EFHC2: variants seen among roughly 807,000 people sequenced by gnomAD.
The protein encoded by EFHC2 is EF-hand domain-containing family member C2.
EFHC2 carries 18 observed loss-of-function variants against 52.7 expected under a neutral mutation model. The observed-to-expected ratio is 0.34, with a 90% CI of 0.24 to 0.51. The LOEUF (loss-of-function observed/expected upper bound fraction) is 0.51. Ranked by LOEUF, EFHC2 falls within the 20% of genes least tolerant of loss-of-function variation. The probability of loss-of-function intolerance (pLI) is 0.97; values close to 1 mark genes in which losing one functional copy is unlikely to be tolerated. For missense variants in EFHC2, 513 were observed against 562.5 expected, an observed-to-expected ratio of 0.91 and a Z score of 0.89; for synonymous variants, 203 against 204.1, an observed-to-expected ratio of 0.99 and a Z score of 0.04.
intron 11 of EFHC2, among the ~76,000 whole-genome samples, chrX:44,217,420 T>C (rs966565754): frequency 8.9e-5 from 10 of 112,011 alleles, no homozygotes; most frequent in Non-Finnish European, 1.7e-4. Flanking sequence ...ATATCTGCAC[T>C]TTCATGTTTG....
At chrX:44,165,207 C>G (rs1016098785) in intron 13 of EFHC2, among the ~76,000 whole-genome samples, 2 of 111,580 alleles carry the variant, frequency 1.8e-5, no homozygotes, top group Non-Finnish European at 3.8e-5. Context: ...AAATTAATAG[C>G]TTATATTTAT....
At chrX:44,207,824 A>C (rs988575561) in intron 11 of EFHC2, among the ~76,000 whole-genome samples, 1 of 112,381 alleles carries the variant, frequency 8.9e-6, no homozygotes, top group African/African-American at 3.2e-5. Flanking sequence ...CAACATTCGA[A>C]AGTGGGCAAA....
chrX:44,211,866 CAAAAAAAAA>C (rs1164155147), intron 11 of EFHC2, among the ~76,000 whole-genome samples: 3 of 50,444 alleles, frequency 5.9e-5, no homozygotes, highest in African/African-American at 1.4e-4. Flanking sequence ...GACTCCCTCT[CAAAAAAAAA>C]AAAAAAAAAA....
chrX:44,313,920 A>T, intron 1 of EFHC2, among the ~76,000 whole-genome samples: 1 of 111,572 alleles, frequency 9.0e-6, no homozygotes, highest in Non-Finnish European at 1.9e-5. Context: ...ATGCCACTGC[A>T]CTCCAGCCTG....
intron 2 of EFHC2, among the ~76,000 whole-genome samples, chrX:44,302,622 T>C (rs1399804520): frequency 8.9e-6 from 1 of 112,466 alleles, no homozygotes; most frequent in East Asian, 2.8e-4. Flanking sequence ...GGGTATGACA[T>C]GGTTGATTTC....
intron 11 of EFHC2, among the ~76,000 whole-genome samples, chrX:44,211,443 A>C (rs2037094440): frequency 9.0e-6 from 1 of 111,487 alleles, no homozygotes; most frequent in Non-Finnish European, 1.9e-5. Context: ...CAGGAGAATC[A>C]CTTGAACCCA....
chrX:44,336,606 C>T (rs1208040593), intron 1 of EFHC2, among the ~76,000 whole-genome samples: 4 of 111,523 alleles, frequency 3.6e-5, no homozygotes, highest in Non-Finnish European at 5.7e-5. Context: ...AAGCATCCTG[C>T]CATTCATAGG....
intron 11 of EFHC2, among the ~76,000 whole-genome samples, chrX:44,189,645 T>C (rs1286487114): frequency 9.0e-6 from 1 of 111,139 alleles, no homozygotes; most frequent in Non-Finnish European, 1.9e-5. Context: ...GGAGTGCATC[T>C]GAGATGAAGA....
chrX:44,240,611 C>T (rs1318696240), intron 8 of EFHC2, among the ~76,000 whole-genome samples: 1 of 112,032 alleles, frequency 8.9e-6, no homozygotes, highest in African/African-American at 3.2e-5. Flanking sequence ...AAGTCCTACC[C>T]TGGAACCTCA....
intron 5 of EFHC2, among the ~76,000 whole-genome samples, chrX:44,249,224 T>C (rs1295804643): frequency 9.0e-6 from 1 of 111,456 alleles, no homozygotes; most frequent in Admixed American, 9.5e-5. Context: ...CAGTAGGGCT[T>C]CCAGCAGTGG....
At chrX:44,166,807 A>G (rs1416777201) in intron 13 of EFHC2, among the ~76,000 whole-genome samples, 1 of 111,530 alleles carries the variant, frequency 9.0e-6, no homozygotes. Flanking sequence ...TCCACTAAGC[A>G]GTCCTGTGGG....
intron 2 of EFHC2, chrX:44,310,194 T>C (rs1344311225): frequency 1.4e-6 from 1 of 729,325 alleles, no homozygotes; most frequent in Non-Finnish European, 2.2e-6. Flanking sequence ...CTCCGCCTTC[T>C]CATACATCTG....
chrX:44,182,406 T>C (rs1360094918), intron 11 of EFHC2, among the ~76,000 whole-genome samples: 1 of 112,619 alleles, frequency 8.9e-6, no homozygotes, highest in Admixed American at 9.4e-5. Flanking sequence ...TGAAAATCTG[T>C]GTACAAGTTT....
At chrX:44,170,430 G>A in intron 13 of EFHC2, among the ~76,000 whole-genome samples, 1 of 110,961 alleles carries the variant, frequency 9.0e-6, no homozygotes, top group Middle Eastern at 4.6e-3. Flanking sequence ...GTATAGGTCA[G>A]AGGAGGAGGA....
intron 13 of EFHC2, among the ~76,000 whole-genome samples, chrX:44,166,605 C>T (rs1013733998): frequency 9.0e-6 from 1 of 111,440 alleles, no homozygotes; most frequent in African/African-American, 3.3e-5. Flanking sequence ...TTGAGGAGAT[C>T]ATCAATAAAA....
At chrX:44,217,343 C>T (rs1405118498) in intron 11 of EFHC2, among the ~76,000 whole-genome samples, 1 of 111,426 alleles carries the variant, frequency 9.0e-6, no homozygotes, top group African/African-American at 3.3e-5. Flanking sequence ...AACAGAGCTA[C>T]CATGTGATCC....
chrX:44,310,349 A>T, intron 2 of EFHC2: 2 of 885,763 alleles, frequency 2.3e-6, no homozygotes, highest in Non-Finnish European at 3.2e-6. Context: ...CTTGCTGGCC[A>T]GAACCCGGGT....
At chrX:44,297,689 A>C (rs1201822827) in intron 2 of EFHC2, among the ~76,000 whole-genome samples, 2 of 103,743 alleles carry the variant, frequency 1.9e-5, no homozygotes, top group Non-Finnish European at 3.9e-5. Flanking sequence ...AGATTGCACC[A>C]CTGCACTCCA....
intron 12 of EFHC2, 24 bp from the exon 13 acceptor site, chrX:44,176,408 G>C (rs753395222): frequency 1.6e-5 from 17 of 1,036,251 alleles, no homozygotes; most frequent in Non-Finnish European, 2.1e-5. Context: ...ACGTAAATGA[G>C]CTTTTATATA....
Sources: allele counts gnomAD v4.1 joint callset (sites outside exome capture counted in the v4.1 genomes callset), GRCh38; gene constraint gnomAD v4.1.1; transcripts MANE v1.5; gene names NCBI Gene and HGNC (gene_info 2026-07-23, HGNC 2026-07-21).